Variants in CYFIP1 observed in about 807,000 individuals in gnomAD.
CYFIP1 encodes the protein cytoplasmic FMR1-interacting protein 1.
In CYFIP1, 58 loss-of-function variants were observed where a neutral mutation model predicts 163.5. The ratio of observed to expected loss-of-function variants is 0.35; its 90% CI spans 0.29 to 0.44. The LOEUF (loss-of-function observed/expected upper bound fraction) is 0.44. CYFIP1 is among the 20% of genes least tolerant of loss of function. CYFIP1 has a pLI of 1.00. For synonymous variants in CYFIP1, 663 were observed against 660.7 expected (o/e 1.00, Z -0.05); for missense variants, 1,338 against 1,653.8 (o/e 0.81, Z 3.31).
At chr15:22,930,390 A>C (rs993641581) in intron 11 of CYFIP1, among the ~76,000 whole-genome samples, 3 of 34,032 alleles carry the variant, frequency 8.8e-5, no homozygotes, top group South Asian at 5.7e-4. Context: ...CGTCTCACCC[A>C]AAAAAAAAAA....
Position 22,922,128 on chromosome 15 carries a change from A to G in CYFIP1, c.1360-3270T>C, listed in dbSNP as rs547497011. Among the ~76,000 whole-genome samples, 26 of 152,278 alleles carry G rather than the reference A, an allele frequency of 1.7e-4. 2 individuals carry two copies. The highest frequency in any genetic ancestry group is 4.6e-4 in the Admixed American group (7 of 15,302). On this transcript the variant is annotated intron_variant, in intron 13 of 30. Transcript: ENST00000617928. ...CTTCAGGACTGGCTGAAGTCATCCC[A>G]GGAACCAGCTCTGAACCTTGGGAGT...
At chr15:22,947,146 C>T in intron 2 of CYFIP1, 23 bp downstream of exon 2, 4 of 1,614,072 alleles carry the variant, frequency 2.5e-6, no homozygotes, top group South Asian at 1.1e-5. Flanking sequence ...AGGCTGTACG[C>T]CCTGCAGCTG....
At chr15:22,929,793 G>A (rs1005564354) in intron 11 of CYFIP1, among the ~76,000 whole-genome samples, 35 of 146,828 alleles carry the variant, frequency 2.4e-4, no homozygotes, top group African/African-American at 7.3e-4. Context: ...AAAATTAGCC[G>A]GGCGTGGTGG....
intron 9 of CYFIP1, among the ~76,000 whole-genome samples, chr15:22,934,148 TAA>T (rs139040424): frequency 8.8e-6 from 1 of 113,808 alleles, no homozygotes. Context: ...TCCACAGTCA[TAA>T]AAAAAAAAAA....
intron 21 of CYFIP1, among the ~76,000 whole-genome samples, chr15:22,905,660 G>A (rs1000736009): frequency 6.6e-6 from 1 of 151,486 alleles, no homozygotes; most frequent in African/African-American, 2.4e-5. Flanking sequence ...GGATGGTCTC[G>A]ATCTCCTGAC....
chr15:22,973,383 C>G (rs897349011), intron 1 of CYFIP1, among the ~76,000 whole-genome samples: 12 of 150,020 alleles, frequency 8.0e-5, no homozygotes, highest in African/African-American at 2.7e-4. Context: ...ACTTTTTCTA[C>G]CCGTTCTTCA....
Position 22,917,376 on chromosome 15 carries a change from C to T in CYFIP1, c.1674+412G>A. ...ACACACCAGGAGAGAGGACAGTGGG[C>T]AGCTTAGGACCATGACACACGCAAG... On this transcript the variant is annotated intron_variant, in intron 15 of 30. Transcript: ENST00000617928. This position sits in a 1 kb window ranked among gnomAD's most constrained non-coding sequence, Gnocchi z 4.2. 9.4e-7 allele frequency: 1 copy of T among 1,058,814 alleles called. No individual in the cohort carries two copies. Among genetic ancestry groups the T allele is most frequent in the Non-Finnish European group, 1.2e-6 (1 of 818,534 alleles). The allele number at this position is 1,058,814 out of a possible 1,614,324, so 65.6% of individuals were successfully genotyped here.
At chr15:22,873,081 G>GCC (rs1259705740) in intron 29 of CYFIP1, 109 bp from the exon 30 acceptor site, 2 of 1,230,098 alleles carry the variant, frequency 1.6e-6, no homozygotes, top group Non-Finnish European at 2.3e-6. Flanking sequence ...TACTGTCTGT[G>GCC]CCTACACAGT....
intron 1 of CYFIP1, among the ~76,000 whole-genome samples, chr15:22,970,956 A>G (rs7359252): frequency 0.26 from 38,949 of 151,812 alleles, 5,174 homozygotes; most frequent in Non-Finnish European, 0.28. Flanking sequence ...GGGGCCTGTA[A>G]TCCCAGCTCC....
At chr15:22,944,516 C>T in intron 5 of CYFIP1, 42 bp downstream of exon 5, 1 of 1,374,026 alleles carries the variant, frequency 7.3e-7, no homozygotes, top group Non-Finnish European at 1.0e-6. Flanking sequence ...CAGCAACCCA[C>T]CCCTCGGTGT....
Position 22,917,171 on chromosome 15 carries a change from CT to C in CYFIP1, c.1675-542del, listed in dbSNP as rs1174242411. On this transcript the variant is annotated intron_variant, in intron 15 of 30. Transcript: ENST00000617928. This position sits in a 1 kb window ranked among gnomAD's most constrained non-coding sequence, Gnocchi z 4.2. ...CACGCACAGGCCGAGGGCCGTCCCCCTGACCCTCCTGCAGAGCCAGCAGCGT... is the reference window on the plus strand; with the variant it reads ...CACGCACAGGCCGAGGGCCGTCCCCCGACCCTCCTGCAGAGCCAGCAGCGT... 2 of 1,431,750 alleles carry C rather than the reference CT, an allele frequency of 1.4e-6. No individual in the cohort carries two copies. Among genetic ancestry groups the C allele is most frequent in the Admixed American group, 2.9e-5 (1 of 34,418 alleles). The allele number at this position is 1,431,750 out of a possible 1,614,324, so 88.7% of individuals were successfully genotyped here.
chr15:22,913,987 G>A (rs1028008168), intron 17 of CYFIP1, among the ~76,000 whole-genome samples: 4 of 152,166 alleles, frequency 2.6e-5, no homozygotes, highest in Admixed American at 6.5e-5. Flanking sequence ...CCGGCTGGGC[G>A]GCTCCCCAGT....
chr15:22,980,535 A>G (rs902299433), upstream of CYFIP1, among the ~76,000 whole-genome samples: 1 of 151,774 alleles, frequency 6.6e-6, no homozygotes, highest in Non-Finnish European at 1.5e-5. Context: ...CAGCCGCCGA[A>G]GGTGTCCTCC....
rs781060651 is a variant in CYFIP1 at position 22,914,888 on chromosome 15, AG to A, written c.1829-7del. ...ACAGCACTGCTGCAGCGTTTCTGGG[AG>A]GGTTCAAACAACTCCATGTTATCTC... On this transcript the variant is annotated splice_region_variant and splice_polypyrimidine_tract_variant and intron_variant, in intron 16 of 30. Transcript: ENST00000617928. The A allele has an allele frequency of 2.7e-5, 43 of 1,604,942 alleles. 2 individuals carry two copies. The South Asian group carries it at 4.6e-4, about 17-fold the overall frequency.
At chr15:22,923,542 T>C (rs2061257200) in intron 13 of CYFIP1, among the ~76,000 whole-genome samples, 1 of 152,132 alleles carries the variant, frequency 6.6e-6, no homozygotes, top group Non-Finnish European at 1.5e-5. Context: ...GCTGCCACTA[T>C]CTGGTAGTTC....
intron 1 of CYFIP1, among the ~76,000 whole-genome samples, chr15:22,975,591 T>C (rs1467617799): frequency 3.3e-5 from 5 of 150,710 alleles, no homozygotes; most frequent in African/African-American, 4.9e-5. Context: ...TGAAACCCCC[T>C]CTCTACTAAA....
At chr15:22,883,100 G>C (rs1272092745) in intron 23 of CYFIP1, 89 bp from the exon 24 acceptor site, 1 of 1,487,364 alleles carries the variant, frequency 6.7e-7, no homozygotes, top group Non-Finnish European at 9.2e-7. Context: ...AACACACACA[G>C]GCTCAGGTGA....
intron 11 of CYFIP1, among the ~76,000 whole-genome samples, chr15:22,929,309 T>A (rs2061456934): frequency 6.6e-6 from 1 of 151,760 alleles, no homozygotes; most frequent in Non-Finnish European, 1.5e-5. Context: ...TTCTAGTCAC[T>A]GTAATTAGTA....
At chr15:22,924,607 T>C (rs1282144705) in intron 13 of CYFIP1, among the ~76,000 whole-genome samples, 1 of 152,050 alleles carries the variant, frequency 6.6e-6, no homozygotes, top group Non-Finnish European at 1.5e-5. Context: ...TGGCTGATAA[T>C]GGGCTGGCAT....
Sources: gnomAD v4.1 joint callset for allele counts (sites outside exome capture counted in the v4.1 genomes callset) on GRCh38, gnomAD v4.1.1 for gene constraint, Gnocchi (gnomAD v3.1) non-coding constraint, MANE v1.5 for transcripts, NCBI Gene and HGNC (gene_info 2026-07-23, HGNC 2026-07-21) for gene names.